Variants in TENM1 observed in about 807,000 individuals in gnomAD.
The protein encoded by TENM1 is teneurin-1.
TENM1 carries 35 observed loss-of-function variants against 174.8 expected under a neutral mutation model. The ratio of observed to expected loss-of-function variants is 0.20; its 90% CI spans 0.15 to 0.27. The LOEUF (loss-of-function observed/expected upper bound fraction) is 0.27. TENM1 is among the 10% of genes least tolerant of loss of function. TENM1 has a pLI of 1.00. For missense variants in TENM1, 1,633 were observed against 2,130.1 expected (o/e 0.77, Z 4.59); for synonymous variants, 781 against 798.7 (o/e 0.98, Z 0.37).
At chrX:124,797,312 T>G (rs1356153466) in intron 3 of TENM1, among the ~76,000 whole-genome samples, 3 of 111,812 alleles carry the variant, frequency 2.7e-5, no homozygotes, top group African/African-American at 9.8e-5. Flanking sequence ...CAGTTGATTA[T>G]TCTTTGAGGG....
chrX:125,178,800 G>A, the TENM1 span, among the ~76,000 whole-genome samples: 1 of 110,921 alleles, frequency 9.0e-6, no homozygotes, highest in Admixed American at 9.7e-5. Context: ...AGGACTGACA[G>A]GAAATATGCA....
chrX:125,181,009 C>T, the TENM1 span, among the ~76,000 whole-genome samples: 2 of 112,010 alleles, frequency 1.8e-5, no homozygotes, highest in Admixed American at 1.9e-4. Context: ...ATCTGCTTCT[C>T]ATTCCCCCCT....
the TENM1 span, among the ~76,000 whole-genome samples, chrX:125,138,070 C>A: frequency 2.7e-5 from 3 of 110,673 alleles, no homozygotes; most frequent in African/African-American, 9.9e-5. Flanking sequence ...TTTCATCACC[C>A]CTCCCCTATA....
intron 3 of TENM1, among the ~76,000 whole-genome samples, chrX:124,751,445 T>C (rs1267158655): frequency 2.7e-5 from 3 of 111,638 alleles, no homozygotes; most frequent in Admixed American, 9.5e-5. Flanking sequence ...ACTCTAGAAA[T>C]AGTATCACTA....
chrX:125,150,857 GTCTT>G, the TENM1 span, among the ~76,000 whole-genome samples: 252 of 112,339 alleles, frequency 2.2e-3, no homozygotes, highest in African/African-American at 7.8e-3. Flanking sequence ...TGTGATGAAA[GTCTT>G]TCTAAGAAAA....
the TENM1 span, among the ~76,000 whole-genome samples, chrX:125,043,511 A>G: frequency 1.7e-5 from 1 of 59,976 alleles, no homozygotes; most frequent in Non-Finnish European, 3.0e-5. Context: ...AAGTCAGGAA[A>G]CAACAGGTGC....
At chrX:125,203,690 T>A in the TENM1 span, 1 of 112,470 alleles carries the variant, frequency 8.9e-6, no homozygotes, top group Non-Finnish European at 1.9e-5. Flanking sequence ...GGAGCCGCCA[T>A]CCGCCGCCTG....
Position 124,453,505 on chromosome X carries a change from G to C in TENM1, c.3950-14C>G. ...CAACTGTGATGCCTGTTGGGAAAGA[G>C]CAAATGAGCATTAGTAGTCTAGTGA... On this transcript the variant is annotated splice_polypyrimidine_tract_variant and intron_variant, in intron 22 of 31. Coordinates refer to ENST00000422452, the Ensembl canonical transcript of TENM1. The C allele has an allele frequency of 8.4e-7, 1 of 1,197,277 alleles. No individual in the cohort carries two copies.
chrX:124,561,555 A>G, intron 14 of TENM1, 116 bp downstream of exon 17: 2 of 815,288 alleles, frequency 2.5e-6, no homozygotes, highest in Non-Finnish European at 3.6e-6. Context: ...TACCCTATAT[A>G]ACTCAGTATC....
intron 15 of TENM1, among the ~76,000 whole-genome samples, chrX:124,540,931 T>C (rs968681610): frequency 1.8e-5 from 2 of 112,159 alleles, no homozygotes; most frequent in Non-Finnish European, 3.8e-5. Context: ...ATTTTGATTA[T>C]CTAACCCATT....
chrX:125,002,982 T>C, the TENM1 span, among the ~76,000 whole-genome samples: 1 of 111,992 alleles, frequency 8.9e-6, no homozygotes, highest in African/African-American at 3.2e-5. Flanking sequence ...TTGAACAAAT[T>C]AGAAGTAGGC....
At chrX:125,179,269 AG>A in the TENM1 span, among the ~76,000 whole-genome samples, 1 of 110,771 alleles carries the variant, frequency 9.0e-6, no homozygotes, top group African/African-American at 3.3e-5. Context: ...AGAAGCTAGT[AG>A]TACAAAAGTA....
the TENM1 span, among the ~76,000 whole-genome samples, chrX:125,013,750 T>C: frequency 8.9e-6 from 1 of 111,798 alleles, no homozygotes; most frequent in East Asian, 2.8e-4. Flanking sequence ...TGAGTCACTG[T>C]GTTATCCAAC....
At chrX:124,587,589 G>C (rs1427263676) in intron 11 of TENM1, among the ~76,000 whole-genome samples, 56 of 111,178 alleles carry the variant, frequency 5.0e-4, no homozygotes, top group African/African-American at 1.8e-3. Context: ...AAAAACCCTA[G>C]AAGAAAACCT....
At chrX:125,018,537 T>TTAAAAATTAATTAAAAGC in the TENM1 span, among the ~76,000 whole-genome samples, 15 of 111,596 alleles carry the variant, frequency 1.3e-4, no homozygotes, top group African/African-American at 4.2e-4. Context: ...TTTGAGTAAC[T>TTAAAAATTAATTAAAAGC]TAAAAATTAA....
intron 3 of TENM1, among the ~76,000 whole-genome samples, chrX:124,795,720 T>A (rs2055290331): frequency 1.8e-5 from 2 of 110,473 alleles, no homozygotes; most frequent in African/African-American, 3.3e-5. Context: ...TTTTTTTTTT[T>A]AAATTTAGGC....
chrX:124,767,550 C>A (rs1055374920), intron 3 of TENM1, among the ~76,000 whole-genome samples: 3 of 111,338 alleles, frequency 2.7e-5, no homozygotes, highest in Admixed American at 1.9e-4. Flanking sequence ...ATAGATCTAT[C>A]AATCTATCTA....
chrX:125,155,962 G>C, the TENM1 span, among the ~76,000 whole-genome samples: 3 of 112,931 alleles, frequency 2.7e-5, no homozygotes, highest in Non-Finnish European at 5.6e-5. Context: ...TGGGAGCCCA[G>C]GCAAGGGAGG....
At chrX:125,023,762 T>C in the TENM1 span, among the ~76,000 whole-genome samples, 2 of 111,697 alleles carry the variant, frequency 1.8e-5, no homozygotes, top group East Asian at 5.6e-4. Flanking sequence ...GGCTAAGACC[T>C]AGACTCTTAC....
Sources: gnomAD v4.1 joint callset for allele counts (sites outside exome capture counted in the v4.1 genomes callset) on GRCh38, gnomAD v4.1.1 for gene constraint, MANE v1.5 for transcripts, NCBI Gene and HGNC (gene_info 2026-07-23, HGNC 2026-07-21) for gene names.